LRRC37A2: variants seen among roughly 807,000 people sequenced by gnomAD.
LRRC37A2 encodes the protein leucine rich repeat containing 37 member A2.
In LRRC37A2, 9 loss-of-function variants were observed where a neutral mutation model predicts 68.8. That is an observed-to-expected ratio of 0.13 (90% CI 0.08 to 0.23). The LOEUF (loss-of-function observed/expected upper bound fraction) is 0.23, where lower values mean the gene tolerates loss of function less well. Among genes scored for constraint, LRRC37A2 ranks in the 10% least tolerant of loss-of-function variants. The pLI is 1.00. For synonymous variants in LRRC37A2, 63 were observed against 367.6 expected (o/e 0.17, Z 9.48); for missense variants, 168 against 950.4 (o/e 0.18, Z 10.82).
chr17:46,972,023 G>A, the LRRC37A2 span, among the ~76,000 whole-genome samples: 1 of 152,172 alleles, frequency 6.6e-6, no homozygotes, highest in Non-Finnish European at 1.5e-5. Flanking sequence ...TGGGGGAGAG[G>A]GGGGACCTTC....
the LRRC37A2 span, among the ~76,000 whole-genome samples, chr17:46,710,616 T>C: frequency 6.6e-6 from 1 of 152,230 alleles, no homozygotes; most frequent in Admixed American, 6.5e-5. Flanking sequence ...ATAATCTCTT[T>C]TTTCCTTTGT....
intron 6 of LRRC37A2, among the ~76,000 whole-genome samples, chr17:46,535,105 G>T (rs2054467919): frequency 6.7e-6 from 1 of 148,344 alleles, no homozygotes; most frequent in Non-Finnish European, 1.5e-5. Flanking sequence ...TATTGCCAGT[G>T]CTGGTATCCA....
chr17:46,752,971 G>T, the LRRC37A2 span, among the ~76,000 whole-genome samples: 2 of 152,128 alleles, frequency 1.3e-5, no homozygotes, highest in South Asian at 4.1e-4. Context: ...GTTTCACCAT[G>T]TTGGCCAAGC....
At chr17:46,804,622 G>A in the LRRC37A2 span, among the ~76,000 whole-genome samples, 5 of 152,228 alleles carry the variant, frequency 3.3e-5, no homozygotes, top group African/African-American at 9.6e-5. Context: ...ATCAGAAGAG[G>A]AAGAACAAGT....
At chr17:46,734,965 C>T in the LRRC37A2 span, among the ~76,000 whole-genome samples, 8 of 152,222 alleles carry the variant, frequency 5.3e-5, no homozygotes, top group East Asian at 5.8e-4. Context: ...GCAGGAGGAT[C>T]GCTTGAGCCC....
At chr17:46,850,715 G>A in the LRRC37A2 span, among the ~76,000 whole-genome samples, 1 of 152,190 alleles carries the variant, frequency 6.6e-6, no homozygotes, top group East Asian at 1.9e-4. Context: ...CACCTTCGCA[G>A]CAGAAATTGG....
At chr17:46,923,652 T>G in the LRRC37A2 span, 3 of 1,107,628 alleles carry the variant, frequency 2.7e-6, no homozygotes, top group Non-Finnish European at 3.4e-6. Flanking sequence ...GGAAAGTATT[T>G]GTATTCTTAT....
the LRRC37A2 span, chr17:46,602,409 G>A: frequency 4.8e-5 from 1 of 20,710 alleles, no homozygotes; most frequent in Non-Finnish European, 9.2e-5. Context: ...TATGAGTAAT[G>A]CAGGGTATTT....
the LRRC37A2 span, among the ~76,000 whole-genome samples, chr17:46,492,250 C>A: frequency 2.0e-5 from 3 of 151,212 alleles, 1 homozygote; most frequent in African/African-American, 7.4e-5. Flanking sequence ...CAGGTGTGAG[C>A]CATCGCGCCC....
chr17:46,998,514 T>C, the LRRC37A2 span, among the ~76,000 whole-genome samples: 21 of 152,314 alleles, frequency 1.4e-4, no homozygotes, highest in African/African-American at 4.8e-4. Flanking sequence ...AGAAGAGTGC[T>C]TGATGGGCAC....
chr17:46,864,303 A>G, the LRRC37A2 span, among the ~76,000 whole-genome samples: 1 of 152,030 alleles, frequency 6.6e-6, no homozygotes, highest in Admixed American at 6.5e-5. Flanking sequence ...CTTTCCCTGA[A>G]CTTCCCACCC....
the LRRC37A2 span, among the ~76,000 whole-genome samples, chr17:46,847,536 G>GCC: frequency 6.6e-6 from 1 of 152,210 alleles, no homozygotes; most frequent in East Asian, 1.9e-4. Context: ...TGACAAGAAG[G>GCC]CCAGGTCACC....
the LRRC37A2 span, chr17:46,875,512 A>G: frequency 8.6e-7 from 1 of 1,165,490 alleles, no homozygotes; most frequent in Non-Finnish European, 1.2e-6. Context: ...CACGTCTTCA[A>G]CCAGCATTCC....
the LRRC37A2 span, among the ~76,000 whole-genome samples, chr17:46,898,185 C>T: frequency 1.5e-3 from 225 of 152,256 alleles, no homozygotes; most frequent in Non-Finnish European, 2.3e-3. Context: ...TAGGCACTAC[C>T]GTGACCTTGC....
the LRRC37A2 span, among the ~76,000 whole-genome samples, chr17:46,894,994 G>C: frequency 1.3e-5 from 2 of 152,218 alleles, no homozygotes; most frequent in African/African-American, 4.8e-5. Flanking sequence ...CCGCTCTGGG[G>C]CATCCCAGCC....
At chr17:46,805,464 G>C in the LRRC37A2 span, among the ~76,000 whole-genome samples, 1 of 151,680 alleles carries the variant, frequency 6.6e-6, no homozygotes, top group Non-Finnish European at 1.5e-5. Flanking sequence ...TCCCAGCTAC[G>C]TGAGAGGCTG....
the LRRC37A2 span, among the ~76,000 whole-genome samples, chr17:46,950,190 C>A: frequency 6.6e-6 from 1 of 152,236 alleles, no homozygotes; most frequent in Non-Finnish European, 1.5e-5. Context: ...TTCACGGGGG[C>A]TGAGAGCAGC....
the LRRC37A2 span, chr17:47,017,639 G>A: frequency 0.021 from 34,350 of 1,609,332 alleles, 402 homozygotes; most frequent in Middle Eastern, 0.08. Context: ...CACCCAAGAA[G>A]CTGAAGAAAG....
At chr17:46,878,703 G>A in the LRRC37A2 span, among the ~76,000 whole-genome samples, 1 of 152,136 alleles carries the variant, frequency 6.6e-6, no homozygotes, top group Non-Finnish European at 1.5e-5. Context: ...GGACCTCACT[G>A]GCAGAGCAGG....
Sources: gnomAD v4.1 joint callset for allele counts (sites outside exome capture counted in the v4.1 genomes callset) on GRCh38, gnomAD v4.1.1 for gene constraint, MANE v1.5 for transcripts, NCBI Gene and HGNC (gene_info 2026-07-23, HGNC 2026-07-21) for gene names.